The following UXS1 variants were observed in gnomAD, a reference collection of about 807,000 sequenced individuals.
UXS1 encodes the protein UDP-glucuronate decarboxylase 1, also known as UDP-glucuronic acid decarboxylase 1.
A neutral mutation model predicts 62.6 loss-of-function variants in UXS1; 33 were observed. That is an observed-to-expected ratio of 0.53 (90% CI 0.40 to 0.70). The LOEUF (loss-of-function observed/expected upper bound fraction) is 0.70. UXS1 is among the 30% of genes least tolerant of loss of function. The pLI is 0.00. For synonymous variants in UXS1, 213 were observed against 206.8 expected (o/e 1.03, Z -0.26); for missense variants, 434 against 556.3 (o/e 0.78, Z 2.21).
In UXS1 at chr2:106,138,540, C is replaced by A. The variant is rs528730254; in HGVS notation, c.472+6650G>T. On this transcript the variant is annotated intron_variant, in intron 6 of 14. Transcript: ENST00000283148. The stretch of plus-strand genomic sequence containing the variant: ...GAAACCTTCCATTTACAACAAATAC[C>A]CCTCCACGGTGCTCTGGCCCAGGCC... The A allele has an allele frequency of 7.0e-5, 69 of 985,424 alleles. 4 individuals carry two copies. In the South Asian group the frequency reaches 2.9e-3, roughly 42 times the overall value. 61.0% of individuals were successfully genotyped at this position (985,424 alleles called of 1,614,324 possible).
intron 14 of UXS1, among the ~76,000 whole-genome samples, chr2:106,096,406 T>C (rs1003599664): frequency 1.3e-5 from 2 of 152,112 alleles, no homozygotes; most frequent in Non-Finnish European, 2.9e-5. Flanking sequence ...ACAGTGTGAG[T>C]ATATGTGTGT....
At chr2:106,186,060 C>G (rs1450060815) in intron 1 of UXS1, among the ~76,000 whole-genome samples, 2 of 152,208 alleles carry the variant, frequency 1.3e-5, no homozygotes, top group Non-Finnish European at 2.9e-5. Flanking sequence ...TTTCAAAACA[C>G]CACCAGTTAA....
chr2:106,193,777 C>A (rs7590731), intron 1 of UXS1, among the ~76,000 whole-genome samples: 62,323 of 151,676 alleles, frequency 0.41, 12,969 homozygotes, highest in East Asian at 0.58. Context: ...CAAGGGTATC[C>A]CCACGCGGCA....
chr2:106,168,901 G>A (rs1424616167), intron 1 of UXS1, among the ~76,000 whole-genome samples: 2 of 152,154 alleles, frequency 1.3e-5, no homozygotes, highest in Admixed American at 6.5e-5. Flanking sequence ...AAAAAAGACT[G>A]TGAAATTTCC....
intron 1 of UXS1, among the ~76,000 whole-genome samples, chr2:106,182,151 C>G (rs534660872): frequency 6.8e-4 from 104 of 152,306 alleles, no homozygotes; most frequent in African/African-American, 2.3e-3. Flanking sequence ...AAAGGTCTAT[C>G]TAAAGTATGG....
chr2:106,166,697 A>G (rs1357561961), intron 1 of UXS1, among the ~76,000 whole-genome samples: 1 of 91,244 alleles, frequency 1.1e-5, no homozygotes, highest in Non-Finnish European at 2.1e-5. Flanking sequence ...GTGCAGGTGA[A>G]GCTTTTTTTT....
At chr2:106,145,713 G>C (rs1022232567) in intron 5 of UXS1, among the ~76,000 whole-genome samples, 1 of 152,116 alleles carries the variant, frequency 6.6e-6, no homozygotes, top group Non-Finnish European at 1.5e-5. Flanking sequence ...GCTGGACATA[G>C]CTCACGTGGC....
intron 1 of UXS1, among the ~76,000 whole-genome samples, chr2:106,192,159 C>T (rs185862768): frequency 2.9e-4 from 44 of 152,350 alleles, no homozygotes; most frequent in African/African-American, 1.0e-3. Flanking sequence ...CATCACAGCA[C>T]AGACCAGTTA....
intron 1 of UXS1, among the ~76,000 whole-genome samples, chr2:106,178,589 T>C (rs1159543016): frequency 2.6e-5 from 4 of 152,082 alleles, no homozygotes; most frequent in Non-Finnish European, 5.9e-5. Flanking sequence ...TGTGTATATG[T>C]ACATGTATGT....
Position 106,194,244 on chromosome 2 carries a change from C to A in UXS1, c.-3G>T, listed in dbSNP as rs1200144360. ...CGCAGCAGCGCCTTGCTCACCATCC[C>A]CGGGAGCCGCGCGGGTCCAGGGCCC... On this transcript the variant is annotated 5_prime_UTR_variant, in exon 1 of 15. Transcript: ENST00000283148. The A allele has an allele frequency of 7.0e-7, 1 of 1,429,372 alleles. No homozygotes were observed. The highest frequency in any genetic ancestry group is 2.5e-5 in the Admixed American group (1 of 40,190). 88.5% of individuals were successfully genotyped at this position (1,429,372 alleles called of 1,614,324 possible).
intron 7 of UXS1, among the ~76,000 whole-genome samples, chr2:106,125,911 C>T (rs1679901195): frequency 6.6e-6 from 1 of 152,180 alleles, no homozygotes. Context: ...ATAAGCAGGG[C>T]CAAACGCAGA....
At chr2:106,164,257 G>A (rs188085116) in intron 3 of UXS1, among the ~76,000 whole-genome samples, 1 of 152,262 alleles carries the variant, frequency 6.6e-6, no homozygotes, top group Admixed American at 6.5e-5. Flanking sequence ...CTCCCCCACA[G>A]CCCATGTTAC....
At chr2:106,182,967 G>T (rs1285279796) in intron 1 of UXS1, among the ~76,000 whole-genome samples, 1 of 152,078 alleles carries the variant, frequency 6.6e-6, no homozygotes, top group Non-Finnish European at 1.5e-5. Context: ...GGGTAAGGGA[G>T]CAGGGAATCA....
intron 1 of UXS1, among the ~76,000 whole-genome samples, chr2:106,189,147 A>T (rs1291051524): frequency 6.6e-6 from 1 of 152,156 alleles, no homozygotes; most frequent in Non-Finnish European, 1.5e-5. Flanking sequence ...GAGGGGAGAA[A>T]ATCACCAAAG....
chr2:106,169,032 T>TA (rs1341303691), intron 1 of UXS1, among the ~76,000 whole-genome samples: 9 of 152,214 alleles, frequency 5.9e-5, no homozygotes, highest in Non-Finnish European at 1.0e-4. Flanking sequence ...TTTTAACCCT[T>TA]ACTAAACTCT....
At chr2:106,094,815 A>C (rs1676942477) in intron 14 of UXS1, among the ~76,000 whole-genome samples, 1 of 152,374 alleles carries the variant, frequency 6.6e-6, no homozygotes, top group Admixed American at 6.5e-5. Flanking sequence ...GGCACTGCTA[A>C]GGGGTGCTGG....
At chr2:106,192,270 T>C (rs370234436) in intron 1 of UXS1, among the ~76,000 whole-genome samples, 12 of 152,318 alleles carry the variant, frequency 7.9e-5, no homozygotes, top group Middle Eastern at 3.4e-3. Flanking sequence ...TAAAAAACTT[T>C]CCTGCTGGGA....
chr2:106,112,841 T>C, intron 9 of UXS1, 76 bp from the exon 10 acceptor site: 1 of 1,524,354 alleles, frequency 6.6e-7, no homozygotes, highest in Non-Finnish European at 8.8e-7. Flanking sequence ...TCCAGTGCCC[T>C]GCATGCAATG....
chr2:106,186,832 A>C (rs989940847), intron 1 of UXS1, among the ~76,000 whole-genome samples: 2 of 149,980 alleles, frequency 1.3e-5, no homozygotes, highest in African/African-American at 4.9e-5. Context: ...AAACAGAAGC[A>C]AAAAAAAAAT....
Sources: allele counts gnomAD v4.1 joint callset (sites outside exome capture counted in the v4.1 genomes callset), GRCh38; gene constraint gnomAD v4.1.1; transcripts MANE v1.5; gene names NCBI Gene and HGNC (gene_info 2026-07-23, HGNC 2026-07-21).